The following CDH4 variants were observed in gnomAD, a reference collection of about 807,000 sequenced individuals.
CDH4 encodes the protein cadherin-4.
Under a neutral mutation model 86.0 loss-of-function variants are expected in CDH4, and 33 were observed. The observed-to-expected ratio is 0.38, with a 90% CI of 0.29 to 0.51. The LOEUF (loss-of-function observed/expected upper bound fraction) is 0.51, where lower values mean the gene tolerates loss of function less well. Among genes scored for constraint, CDH4 ranks in the 20% least tolerant of loss-of-function variants. The pLI is 0.86. For synonymous variants in CDH4, 555 were observed against 549.4 expected, an observed-to-expected ratio of 1.01 and a Z score of -0.14; for missense variants, 1,114 against 1,307.4, an observed-to-expected ratio of 0.85 and a Z score of 2.28.
At chr20:61,665,698 G>A (rs1004683656) in intron 2 of CDH4, among the ~76,000 whole-genome samples, 4 of 152,176 alleles carry the variant, frequency 2.6e-5, no homozygotes, top group East Asian at 1.9e-4. Flanking sequence ...AGGTGTGCAC[G>A]CAGCCAAGGG....
intron 2 of CDH4, among the ~76,000 whole-genome samples, chr20:61,285,081 T>TTTTTG (rs1555833431): frequency 2.7e-5 from 4 of 149,350 alleles, no homozygotes. Flanking sequence ...TGTTTTTTTT[T>TTTTTG]TTTGTTTGTT....
At chr20:61,704,926 A>T (rs948546606) in intron 2 of CDH4, among the ~76,000 whole-genome samples, 1 of 152,184 alleles carries the variant, frequency 6.6e-6, no homozygotes, top group African/African-American at 2.4e-5. Context: ...AGAACCAGGG[A>T]TATAGAGTAT....
chr20:61,622,514 CA>C (rs1289824060), intron 2 of CDH4, among the ~76,000 whole-genome samples: 5 of 152,252 alleles, frequency 3.3e-5, no homozygotes, highest in African/African-American at 1.2e-4. Flanking sequence ...TGGCCCATGC[CA>C]AAGAGTCTGA....
At chr20:61,305,666 A>C (rs906433134) in intron 2 of CDH4, among the ~76,000 whole-genome samples, 1 of 152,168 alleles carries the variant, frequency 6.6e-6, no homozygotes, top group Non-Finnish European at 1.5e-5. Flanking sequence ...GAGTTTGTGC[A>C]TTTCCAGATG....
intron 2 of CDH4, among the ~76,000 whole-genome samples, chr20:61,366,717 C>T (rs527484593): frequency 3.3e-5 from 5 of 152,336 alleles, no homozygotes; most frequent in African/African-American, 9.6e-5. Flanking sequence ...AGTGGTTTTC[C>T]GCCCTGGGTG....
rs888219412 is a variant in CDH4 at position 61,517,609 on chromosome 20, C to T, written c.170-225954C>T. Among the ~76,000 whole-genome samples the T allele has an allele frequency of 1.3e-5, 2 of 152,200 alleles. No homozygotes were observed. The highest frequency in any genetic ancestry group is 2.1e-4 in the South Asian group (1 of 4,818). On this transcript the variant is annotated intron_variant, in intron 2 of 15. Coordinates refer to ENST00000614565, the MANE Select transcript of CDH4 (RefSeq NM_001794.5). This position sits in a 1 kb window ranked among gnomAD's most constrained non-coding sequence, Gnocchi z 6.6. ...CTTCACTCCTGACCTTGGAACTTGGCGGGTGGCTGAGCCCCTTGAGCTGCA... is the reference window on the plus strand; with the variant it reads ...CTTCACTCCTGACCTTGGAACTTGGTGGGTGGCTGAGCCCCTTGAGCTGCA...
intron 2 of CDH4, among the ~76,000 whole-genome samples, chr20:61,382,619 GC>G (rs995033648): frequency 6.6e-6 from 1 of 152,214 alleles, no homozygotes; most frequent in African/African-American, 2.4e-5. Context: ...AGTCTGAAAT[GC>G]AGGTGCGAGC....
intron 2 of CDH4, among the ~76,000 whole-genome samples, chr20:61,634,762 A>T (rs1371342159): frequency 6.6e-6 from 1 of 152,224 alleles, no homozygotes; most frequent in East Asian, 1.9e-4. Context: ...CTCCTCCAGA[A>T]TTCTTTTTCC....
chr20:61,648,675 G>A (rs1431650855), intron 2 of CDH4, among the ~76,000 whole-genome samples: 2 of 152,166 alleles, frequency 1.3e-5, no homozygotes, highest in Non-Finnish European at 1.5e-5. Flanking sequence ...TGGCTGCAGG[G>A]CATAAAGGTA....
chr20:61,533,803 A>C (rs1052294574), intron 2 of CDH4, among the ~76,000 whole-genome samples: 4 of 152,210 alleles, frequency 2.6e-5, no homozygotes. Flanking sequence ...AATTACCCAC[A>C]ACCCTGGTGG....
At chr20:61,679,859 C>T (rs1051502789) in intron 2 of CDH4, among the ~76,000 whole-genome samples, 3 of 152,188 alleles carry the variant, frequency 2.0e-5, no homozygotes, top group East Asian at 3.9e-4. Context: ...GCTCTCAGGG[C>T]CCCCATCTGG....
intron 2 of CDH4, among the ~76,000 whole-genome samples, chr20:61,699,744 C>A (rs893999301): frequency 6.5e-5 from 9 of 139,190 alleles, no homozygotes; most frequent in Non-Finnish European, 1.5e-4. Flanking sequence ...GGGAGCAGGC[C>A]TGCTGCTGGG....
At chr20:61,848,265 G>A (rs796673158) in intron 5 of CDH4, among the ~76,000 whole-genome samples, 12 of 152,366 alleles carry the variant, frequency 7.9e-5, no homozygotes, top group African/African-American at 2.4e-4. Flanking sequence ...AGCCCAGGGC[G>A]GTGGGGGTGG....
chr20:61,623,556 C>A lies in CDH4; in HGVS notation c.170-120007C>A, dbSNP rs187699023. On this transcript the variant is annotated intron_variant, in intron 2 of 15. Coordinates refer to ENST00000614565, the MANE Select transcript of CDH4 (RefSeq NM_001794.5). The surrounding 1 kb of genome is among the most constrained non-coding windows in gnomAD (Gnocchi z 4.4). Reference sequence around the variant, plus strand: ...TTAATCAAACCATATCAAGAGAGCCCGCAGGGTCATCAAGAGCTAGACCCA... The same window carrying A: ...TTAATCAAACCATATCAAGAGAGCCAGCAGGGTCATCAAGAGCTAGACCCA... 7.3e-4 allele frequency among the ~76,000 whole-genome samples: 111 copies of A among 152,170 alleles called. No homozygotes were observed. The East Asian group carries it at 0.015, about 21-fold the overall frequency.
chr20:61,901,114 C>T (rs1426680772), intron 8 of CDH4, among the ~76,000 whole-genome samples: 1 of 151,678 alleles, frequency 6.6e-6, no homozygotes, highest in Non-Finnish European at 1.5e-5. Context: ...CCAATCTGGT[C>T]TATGGACCCA....
At chr20:61,383,734 GAT>G (rs1170470271) in intron 2 of CDH4, among the ~76,000 whole-genome samples, 1 of 137,894 alleles carries the variant, frequency 7.3e-6, no homozygotes, top group African/African-American at 2.7e-5. Flanking sequence ...ATAAATATAT[GAT>G]ATATATGAAG....
chr20:61,607,563 G>GA (rs926307983), intron 2 of CDH4, among the ~76,000 whole-genome samples: 12 of 152,102 alleles, frequency 7.9e-5, no homozygotes, highest in South Asian at 2.1e-4. Flanking sequence ...AATAAGATTA[G>GA]AAAAAAAAGC....
intron 2 of CDH4, among the ~76,000 whole-genome samples, chr20:61,697,315 G>C (rs1014770680): frequency 2.0e-5 from 3 of 152,162 alleles, no homozygotes; most frequent in African/African-American, 7.2e-5. Flanking sequence ...AAATAAGACA[G>C]AAGGCCGGGC....
intron 2 of CDH4, among the ~76,000 whole-genome samples, chr20:61,317,365 A>G (rs1028694541): frequency 6.6e-6 from 1 of 152,156 alleles, no homozygotes; most frequent in Non-Finnish European, 1.5e-5. Flanking sequence ...ACATGGGATA[A>G]ATTAAGGCGC....
Sources: gnomAD v4.1 joint callset for allele counts (sites outside exome capture counted in the v4.1 genomes callset) on GRCh38, gnomAD v4.1.1 for gene constraint, Gnocchi (gnomAD v3.1) non-coding constraint, MANE v1.5 for transcripts, NCBI Gene and HGNC (gene_info 2026-07-23, HGNC 2026-07-21) for gene names.